Variants in MCTP2 observed in about 807,000 individuals in gnomAD.
MCTP2 encodes the protein multiple C2 and transmembrane domain-containing protein 2.
In MCTP2, 132 loss-of-function variants were observed where a neutral mutation model predicts 111.6. The observed-to-expected ratio is 1.18, with a 90% CI of 1.03 to 1.37. The LOEUF (loss-of-function observed/expected upper bound fraction) is 1.37. MCTP2 is among the 40% of genes most tolerant of loss of function. The probability of loss-of-function intolerance (pLI) is 0.00; values close to 1 mark genes in which losing one functional copy is unlikely to be tolerated. For synonymous variants in MCTP2, 395 were observed against 387.7 expected (o/e 1.02, Z -0.22); for missense variants, 1,183 against 1,067.9 (o/e 1.11, Z -1.50).
At chr15:94,476,046 T>G (rs2074321963) in intron 21 of MCTP2, among the ~76,000 whole-genome samples, 1 of 152,220 alleles carries the variant, frequency 6.6e-6, no homozygotes, top group Admixed American at 6.5e-5. Flanking sequence ...ATAATAACTT[T>G]TCACAGTTTC....
At chr15:94,245,134 A>G (rs555749573) in intron 1 of MCTP2, among the ~76,000 whole-genome samples, 6 of 148,960 alleles carry the variant, frequency 4.0e-5, no homozygotes, top group East Asian at 2.0e-4. Context: ...ACACATGTGT[A>G]TATATTTATA....
intron 4 of MCTP2, 145 bp from the exon 5 acceptor site, chr15:94,339,145 C>A: frequency 1.9e-6 from 1 of 528,574 alleles, no homozygotes; most frequent in Non-Finnish European, 3.2e-6. Context: ...TCTTTCATAT[C>A]TCCCTGTCTT....
chr15:94,351,234 A>G (rs1044713399), intron 8 of MCTP2, among the ~76,000 whole-genome samples: 3 of 152,036 alleles, frequency 2.0e-5, no homozygotes, highest in African/African-American at 7.2e-5. Flanking sequence ...TTCTAGGAGA[A>G]TTTATGGGTC....
intron 1 of MCTP2, among the ~76,000 whole-genome samples, chr15:94,243,273 G>GTATATGCATATATACA (rs1328591270): frequency 1.3e-5 from 2 of 148,194 alleles, no homozygotes; most frequent in Non-Finnish European, 3.0e-5. Context: ...ATACGTATGC[G>GTATATGCATATATACA]TACATACGTA....
intron 19 of MCTP2, among the ~76,000 whole-genome samples, chr15:94,452,901 A>G (rs184758667): frequency 3.3e-5 from 5 of 152,226 alleles, no homozygotes; most frequent in Non-Finnish European, 5.9e-5. Context: ...CCTGTCTCAC[A>G]TGAGTAGCAA....
intron 20 of MCTP2, among the ~76,000 whole-genome samples, chr15:94,463,594 G>C (rs1455407737): frequency 2.0e-5 from 3 of 151,932 alleles, no homozygotes; most frequent in Non-Finnish European, 4.4e-5. Context: ...TTGCTGTACT[G>C]GCTATTAGCT....
chr15:94,342,365 A>T (rs757660967), intron 7 of MCTP2: 2 of 152,154 alleles, frequency 1.3e-5, no homozygotes, highest in Non-Finnish European at 2.9e-5. Context: ...TTTTTGTAAA[A>T]GATCTCAAAG....
At chr15:94,244,298 A>C (rs544211804) in intron 1 of MCTP2, among the ~76,000 whole-genome samples, 1 of 148,634 alleles carries the variant, frequency 6.7e-6, no homozygotes, top group Non-Finnish European at 1.5e-5. Context: ...ACATATGTGT[A>C]TATATTTATA....
chr15:94,266,939 C>T (rs920531476), intron 1 of MCTP2, among the ~76,000 whole-genome samples: 1 of 152,166 alleles, frequency 6.6e-6, no homozygotes, highest in Admixed American at 6.5e-5. Context: ...GACCTGTGAC[C>T]TGTGACTTGT....
rs371691062 is a variant in MCTP2 at position 94,298,360 on chromosome 15, C to T, written c.95C>T (p.Pro32Leu). The T allele has an allele frequency of 6.2e-7, 1 of 1,614,100 alleles. No individual in the cohort carries two copies. Among genetic ancestry groups the T allele is most frequent in the Non-Finnish European group, 8.5e-7 (1 of 1,180,016 alleles). The change falls in exon 2 of 23, where the codon CCA (proline) becomes CTA (leucine). Residue 32 changes from proline (P) to leucine (L), a missense_variant. Coordinates refer to ENST00000357742, the MANE Select transcript of MCTP2 (RefSeq NM_001385001.1). ...AGCAAGAAGAAGGTGAAAAAGAACCCAAGTAAGCCCCCAGATCTACGGGCA... is the reference window on the plus strand; with the variant it reads ...AGCAAGAAGAAGGTGAAAAAGAACCTAAGTAAGCCCCCAGATCTACGGGCA... ...NLSKKKVKKN[P>L]SKPPDLRARH...
chr15:94,381,470 C>T (rs1333834673), intron 12 of MCTP2, among the ~76,000 whole-genome samples: 1 of 152,218 alleles, frequency 6.6e-6, no homozygotes, highest in Non-Finnish European at 1.5e-5. Flanking sequence ...TTAGCTGGGA[C>T]AGCTAAGAGC....
At chr15:94,264,923 T>C (rs1488547339) in intron 1 of MCTP2, among the ~76,000 whole-genome samples, 1 of 152,150 alleles carries the variant, frequency 6.6e-6, no homozygotes, top group Non-Finnish European at 1.5e-5. Flanking sequence ...CCAGTCCCAA[T>C]AAGGAAAGCC....
intron 19 of MCTP2, among the ~76,000 whole-genome samples, chr15:94,448,429 G>C (rs772624569): frequency 6.6e-6 from 1 of 152,106 alleles, no homozygotes; most frequent in Non-Finnish European, 1.5e-5. Flanking sequence ...ACCAAATTTC[G>C]TCAGAGGCGC....
intron 1 of MCTP2, among the ~76,000 whole-genome samples, chr15:94,244,039 T>G (rs930790857): frequency 6.8e-6 from 1 of 146,396 alleles, no homozygotes; most frequent in African/African-American, 2.5e-5. Context: ...GTGTATATAT[T>G]GCACACATAT....
At chr15:94,327,191 T>C (rs2076923641) in intron 4 of MCTP2, among the ~76,000 whole-genome samples, 1 of 152,168 alleles carries the variant, frequency 6.6e-6, no homozygotes, top group African/African-American at 2.4e-5. Context: ...TTCACCTACA[T>C]TTCTTCTCTT....
chr15:94,408,114 A>G (rs1267638967), intron 17 of MCTP2, among the ~76,000 whole-genome samples: 1 of 152,174 alleles, frequency 6.6e-6, no homozygotes, highest in Non-Finnish European at 1.5e-5. Context: ...TCACCAGTTT[A>G]CTCACAACGA....
chr15:94,245,232 GTA>G (rs1337801190), intron 1 of MCTP2, among the ~76,000 whole-genome samples: 1,388 of 136,760 alleles, frequency 0.01, 18 homozygotes, highest in African/African-American at 0.035. Flanking sequence ...ATATACATAT[GTA>G]TGTATATATA....
At chr15:94,410,110 T>G (rs2082088578) in intron 17 of MCTP2, among the ~76,000 whole-genome samples, 1 of 152,170 alleles carries the variant, frequency 6.6e-6, no homozygotes, top group Admixed American at 6.6e-5. Flanking sequence ...AAACATGGAA[T>G]GGGTTACAAG....
intron 17 of MCTP2, among the ~76,000 whole-genome samples, chr15:94,423,236 A>G (rs1353938620): frequency 1.3e-5 from 2 of 152,202 alleles, no homozygotes; most frequent in African/African-American, 4.8e-5. Flanking sequence ...GATGGCAGCC[A>G]TTCAAGTTCA....
Sources: gnomAD v4.1 joint callset for allele counts (sites outside exome capture counted in the v4.1 genomes callset) on GRCh38, gnomAD v4.1.1 for gene constraint, MANE v1.5 for transcripts, NCBI Gene and HGNC (gene_info 2026-07-23, HGNC 2026-07-21) for gene names.